NRXN3: variants seen among roughly 807,000 people sequenced by gnomAD.
The protein encoded by NRXN3 is neurexin 3.
A neutral mutation model predicts 137.6 loss-of-function variants in NRXN3; 32 were observed. The ratio of observed to expected loss-of-function variants is 0.23; its 90% CI spans 0.18 to 0.31. The LOEUF is 0.31. NRXN3 is among the 10% of genes least tolerant of loss of function. The pLI, the probability that NRXN3 is intolerant of heterozygous loss-of-function variation, is 1.00. For missense variants in NRXN3, 1,574 were observed against 2,062.5 expected (o/e 0.76, Z 4.59); for synonymous variants, 798 against 784.5 (o/e 1.02, Z -0.29).
chr14:79,246,502 T>C (rs1036170058), intron 15 of NRXN3, among the ~76,000 whole-genome samples: 1 of 152,164 alleles, frequency 6.6e-6, no homozygotes, highest in Non-Finnish European at 1.5e-5. Context: ...AGCCTTGTCT[T>C]TATCTAGCAT....
chr14:78,954,164 T>C (rs557593624), intron 10 of NRXN3, among the ~76,000 whole-genome samples: 74 of 152,312 alleles, frequency 4.9e-4, no homozygotes, highest in African/African-American at 1.7e-3. Flanking sequence ...GGTTTGTTTC[T>C]CCTCTCTCTT....
chr14:79,131,299 C>G (rs918664471), intron 15 of NRXN3, among the ~76,000 whole-genome samples: 5 of 152,122 alleles, frequency 3.3e-5, no homozygotes, highest in East Asian at 1.9e-4. Flanking sequence ...TTTTCCCCAT[C>G]TTTGTGGTTT....
At chr14:79,370,899 T>C (rs537193457) in intron 15 of NRXN3, among the ~76,000 whole-genome samples, 1 of 152,334 alleles carries the variant, frequency 6.6e-6, no homozygotes, top group East Asian at 1.9e-4. Flanking sequence ...ACAAGCATTA[T>C]CTTAAACCTT....
At chr14:78,296,932 G>A (rs1170727954) in intron 3 of NRXN3, among the ~76,000 whole-genome samples, 1 of 152,086 alleles carries the variant, frequency 6.6e-6, no homozygotes, top group South Asian at 2.1e-4. Context: ...CAATACAAGA[G>A]CAGATAACTG....
chr14:79,520,751 C>G (rs889026664), intron 16 of NRXN3, among the ~76,000 whole-genome samples: 2 of 152,128 alleles, frequency 1.3e-5, no homozygotes, highest in South Asian at 2.1e-4. Context: ...TGACAGTCAT[C>G]GAAAAGTCAG....
chr14:79,299,716 G>C (rs567110446), intron 15 of NRXN3, among the ~76,000 whole-genome samples: 20 of 152,090 alleles, frequency 1.3e-4, no homozygotes, highest in Admixed American at 6.6e-4. Context: ...TAAGTTTTAG[G>C]GCTGCAAGGA....
chr14:79,219,041 G>A, intron 15 of NRXN3, among the ~76,000 whole-genome samples: 1 of 152,110 alleles, frequency 6.6e-6, no homozygotes, highest in African/African-American at 2.4e-5. Context: ...TAATTTTGCT[G>A]TGAACCCAAA....
chr14:78,224,707 G>A lies in NRXN3; in HGVS notation c.-703-17684G>A, dbSNP rs1010696956. 6.4e-5 allele frequency among the ~76,000 whole-genome samples: 9 copies of A among 141,060 alleles called. No individual in the cohort carries two copies. The Admixed American group carries it at 6.4e-4, about 10-fold the overall frequency. The allele number at this position is 141,060 out of a possible 152,430, so 92.5% of individuals were successfully genotyped here. ...ACATTTGGGTTGGTTCCAAGTCTTT[G>A]CTATTGTGAATAGTGCCACAATAAA... On this transcript the variant is annotated intron_variant, in intron 1 of 20. Transcript: ENST00000335750.
At chr14:78,291,275 C>T (rs569728874) in intron 3 of NRXN3, among the ~76,000 whole-genome samples, 6 of 152,276 alleles carry the variant, frequency 3.9e-5, no homozygotes, top group South Asian at 2.1e-4. Context: ...GGTTTTCTCA[C>T]GTGTAAAATT....
chr14:78,911,752 T>C (rs968811923), intron 10 of NRXN3, among the ~76,000 whole-genome samples: 1 of 152,122 alleles, frequency 6.6e-6, no homozygotes, highest in Admixed American at 6.6e-5. Flanking sequence ...AATAATGGTA[T>C]GATACACAAG....
At chr14:78,911,734 C>T (rs1283064494) in intron 10 of NRXN3, among the ~76,000 whole-genome samples, 2 of 152,062 alleles carry the variant, frequency 1.3e-5, no homozygotes, top group Non-Finnish European at 2.9e-5. Context: ...CACAGTAACA[C>T]ATACTAAAAT....
At chr14:78,795,058 C>T (rs2098817424) in intron 8 of NRXN3, among the ~76,000 whole-genome samples, 5 of 152,160 alleles carry the variant, frequency 3.3e-5, no homozygotes, top group Admixed American at 3.3e-4. Flanking sequence ...TGTGCCACTG[C>T]ACTCCAGCCT....
At chr14:78,222,443 A>G (rs919664008) in intron 1 of NRXN3, among the ~76,000 whole-genome samples, 1 of 152,230 alleles carries the variant, frequency 6.6e-6, no homozygotes, top group African/African-American at 2.4e-5. Context: ...CAGCCGCCAC[A>G]TCGCCTTGAA....
At chr14:78,694,851 T>C (rs576327406) in intron 6 of NRXN3, among the ~76,000 whole-genome samples, 45 of 152,156 alleles carry the variant, frequency 3.0e-4, no homozygotes, top group African/African-American at 6.7e-4. Flanking sequence ...TCTGGTGTTT[T>C]TTATTGCAAG....
intron 1 of NRXN3, among the ~76,000 whole-genome samples, chr14:78,180,600 A>AT (rs1447991700): frequency 6.6e-6 from 1 of 152,168 alleles, no homozygotes; most frequent in Non-Finnish European, 1.5e-5. Flanking sequence ...TGTAAAAAGG[A>AT]TGTTGAGACC....
At chr14:78,428,341 A>C (rs1444462630) in intron 4 of NRXN3, among the ~76,000 whole-genome samples, 1 of 152,172 alleles carries the variant, frequency 6.6e-6, no homozygotes, top group Non-Finnish European at 1.5e-5. Flanking sequence ...GCCAAAACTT[A>C]GGCCAACATC....
intron 16 of NRXN3, among the ~76,000 whole-genome samples, chr14:79,469,486 G>A (rs1384828040): frequency 6.6e-6 from 1 of 152,140 alleles, no homozygotes; most frequent in East Asian, 1.9e-4. Flanking sequence ...GCATTTATTA[G>A]TGTGTGTATT....
chr14:79,059,326 C>T (rs905843280), intron 15 of NRXN3, among the ~76,000 whole-genome samples: 3 of 144,058 alleles, frequency 2.1e-5, no homozygotes, highest in East Asian at 2.0e-4. Flanking sequence ...GGCACCATCT[C>T]GGCTCACTGC....
At chr14:79,055,440 T>C (rs1424906583) in intron 15 of NRXN3, among the ~76,000 whole-genome samples, 1 of 152,210 alleles carries the variant, frequency 6.6e-6, no homozygotes, top group Non-Finnish European at 1.5e-5. Flanking sequence ...TCAAATGATG[T>C]AATTGCCTCA....
Sources: allele counts gnomAD v4.1 joint callset (sites outside exome capture counted in the v4.1 genomes callset), GRCh38; gene constraint gnomAD v4.1.1; transcripts MANE v1.5; gene names NCBI Gene and HGNC (gene_info 2026-07-23, HGNC 2026-07-21).